Variants in PDE1C observed in about 807,000 individuals in gnomAD.
The protein encoded by PDE1C is dual specificity calcium/calmodulin-dependent 3',5'-cyclic nucleotide phosphodiesterase 1C.
PDE1C carries 62 observed loss-of-function variants against 93.1 expected under a neutral mutation model. The observed-to-expected ratio is 0.67, with a 90% CI of 0.54 to 0.82. The LOEUF (loss-of-function observed/expected upper bound fraction) is 0.82, where lower values mean the gene tolerates loss of function less well. PDE1C is among the 40% of genes least tolerant of loss of function. PDE1C has a pLI of 0.00. For missense variants in PDE1C, 742 were observed against 884.6 expected (o/e 0.84, Z 2.04); for synonymous variants, 325 against 310.1 (o/e 1.05, Z -0.50).
intron 17 of PDE1C, among the ~76,000 whole-genome samples, chr7:31,765,254 A>C (rs1049357995): frequency 2.6e-5 from 4 of 152,160 alleles, no homozygotes; most frequent in African/African-American, 9.6e-5. Context: ...TGACTTCATG[A>C]TTTAATGCTA....
chr7:31,936,812 A>C (rs1427366363), intron 2 of PDE1C, among the ~76,000 whole-genome samples: 1 of 152,106 alleles, frequency 6.6e-6, no homozygotes, highest in Non-Finnish European at 1.5e-5. Context: ...ATCAGTTTAG[A>C]GGTTTATTTT....
chr7:31,996,823 GT>G (rs1171148082), intron 2 of PDE1C, among the ~76,000 whole-genome samples: 1 of 152,116 alleles, frequency 6.6e-6, no homozygotes, highest in Non-Finnish European at 1.5e-5. Flanking sequence ...TCAAGAAGTA[GT>G]TTAAAAAAGA....
chr7:32,375,739 C>G (rs1295377205), intron 1 of PDE1C, among the ~76,000 whole-genome samples: 1 of 152,366 alleles, frequency 6.6e-6, no homozygotes, highest in East Asian at 1.9e-4. Context: ...ATGGCCTGGG[C>G]CAGTGACACA....
chr7:32,168,991 A>G (rs1802477878), intron 3 of PDE1C, among the ~76,000 whole-genome samples: 1 of 152,240 alleles, frequency 6.6e-6, no homozygotes, highest in South Asian at 2.1e-4. Context: ...AGTGGAAAGA[A>G]AAGTGGAAGA....
rs948853629 is a variant in PDE1C, at chr7:32,132,711, C to T, written c.308+37074G>A. Among the ~76,000 whole-genome samples, 16 of 152,166 alleles carry T rather than the reference C, an allele frequency of 1.1e-4. 5 individuals are homozygous for T. Among genetic ancestry groups the T allele is most frequent in the Admixed American group, 6.6e-5 (1 of 15,262 alleles). On this transcript the variant is annotated intron_variant, in intron 3 of 18. Coordinates refer to the PDE1C transcript ENST00000396193. ...ATAAAATAAAATATCAGTTAAGTTG[C>T]TACCCAGAAAATTGTTGGGGGCAAG...
chr7:32,372,333 C>G (rs962041397), intron 1 of PDE1C, among the ~76,000 whole-genome samples: 2 of 152,120 alleles, frequency 1.3e-5, no homozygotes, highest in South Asian at 2.1e-4. Context: ...GAATTACAGG[C>G]GTGAGCTACC....
the PDE1C span, chr7:31,656,050 A>C: frequency 1.0e-6 from 1 of 976,246 alleles, no homozygotes; most frequent in Non-Finnish European, 1.2e-6. Context: ...GTCCTAGGGC[A>C]GACCCCATCT....
intron 1 of PDE1C, among the ~76,000 whole-genome samples, chr7:32,068,463 A>C (rs1211597255): frequency 6.6e-6 from 1 of 152,242 alleles, no homozygotes; most frequent in Non-Finnish European, 1.5e-5. Context: ...ATAATAACAA[A>C]TAATAGCATC....
the PDE1C span, among the ~76,000 whole-genome samples, chr7:31,649,360 C>T: frequency 1.3e-5 from 2 of 152,130 alleles, no homozygotes; most frequent in Non-Finnish European, 2.9e-5. Context: ...TAAAGTTGGT[C>T]TCCATGGAAG....
intron 3 of PDE1C, among the ~76,000 whole-genome samples, chr7:32,084,371 A>G (rs1204161353): frequency 6.7e-6 from 1 of 150,094 alleles, no homozygotes; most frequent in Admixed American, 6.6e-5. Flanking sequence ...AGTGACCTAC[A>G]AAGAGACTTA....
chr7:31,849,695 C>T (rs1793084780), intron 8 of PDE1C, among the ~76,000 whole-genome samples: 1 of 152,036 alleles, frequency 6.6e-6, no homozygotes, highest in Non-Finnish European at 1.5e-5. Context: ...AACTCTCATC[C>T]CTCCCTGCTA....
chr7:32,055,579 A>G (rs565172175), intron 1 of PDE1C, among the ~76,000 whole-genome samples: 16 of 152,216 alleles, frequency 1.1e-4, no homozygotes, highest in Non-Finnish European at 7.3e-5. Context: ...AAAATTAATA[A>G]CAATAAAACA....
At chr7:32,307,925 C>T (rs931815840) in intron 1 of PDE1C, among the ~76,000 whole-genome samples, 3 of 152,190 alleles carry the variant, frequency 2.0e-5, no homozygotes, top group Non-Finnish European at 2.9e-5. Context: ...CGAAGCAGGG[C>T]GAGGCATTGT....
chr7:32,290,540 G>T (rs1812269724), intron 1 of PDE1C, among the ~76,000 whole-genome samples: 1 of 152,108 alleles, frequency 6.6e-6, no homozygotes, highest in Admixed American at 6.5e-5. Context: ...TACTAATGAG[G>T]GCCTCAGGGG....
chr7:31,868,112 T>C (rs762162617), intron 6 of PDE1C, among the ~76,000 whole-genome samples: 1 of 152,168 alleles, frequency 6.6e-6, no homozygotes, highest in Non-Finnish European at 1.5e-5. Flanking sequence ...TGCAAAGATA[T>C]TGACACAAGG....
chr7:31,695,701 T>C, the PDE1C span: 135,903 of 1,419,614 alleles, frequency 0.096, 7,178 homozygotes, highest in Non-Finnish European at 0.11. Flanking sequence ...CATTTTTCCT[T>C]AAATATTCAG....
At chr7:31,679,470 A>G in the PDE1C span, among the ~76,000 whole-genome samples, 2 of 152,214 alleles carry the variant, frequency 1.3e-5, no homozygotes, top group African/African-American at 4.8e-5. Flanking sequence ...TAAAACTTTA[A>G]AAGATTTTTT....
intron 17 of PDE1C, among the ~76,000 whole-genome samples, chr7:31,769,674 A>C (rs1316903831): frequency 4.6e-5 from 7 of 152,100 alleles, no homozygotes; most frequent in Admixed American, 2.6e-4. Context: ...CTATATTCAT[A>C]ATGTTTCACA....
chr7:32,073,233 T>C (rs1171767227), upstream of PDE1C, among the ~76,000 whole-genome samples: 1 of 152,194 alleles, frequency 6.6e-6, no homozygotes, highest in East Asian at 1.9e-4. Flanking sequence ...AAAACATTTT[T>C]TTTAAGTTTT....
Sources: allele counts gnomAD v4.1 joint callset (sites outside exome capture counted in the v4.1 genomes callset), GRCh38; gene constraint gnomAD v4.1.1; transcripts MANE v1.5; gene names NCBI Gene and HGNC (gene_info 2026-07-23, HGNC 2026-07-21).